The following GSK3B variants were observed in gnomAD, a reference collection of about 807,000 sequenced individuals.
GSK3B encodes the protein glycogen synthase kinase 3 beta, also known as glycogen synthase kinase-3 beta.
GSK3B carries 15 observed loss-of-function variants against 56.4 expected under a neutral mutation model. The ratio of observed to expected loss-of-function variants is 0.27; its 90% CI spans 0.18 to 0.41. The LOEUF (loss-of-function observed/expected upper bound fraction) is 0.41. Among genes scored for constraint, GSK3B ranks in the 10% least tolerant of loss-of-function variants. The probability of loss-of-function intolerance (pLI) is 1.00; values close to 1 mark genes in which losing one functional copy is unlikely to be tolerated. For missense variants in GSK3B, 300 were observed against 513.4 expected (o/e 0.58, Z 4.02); for synonymous variants, 181 against 188.9 (o/e 0.96, Z 0.34).
intron 2 of GSK3B, among the ~76,000 whole-genome samples, chr3:119,963,980 G>GC (rs1559855578): frequency 6.6e-6 from 1 of 152,066 alleles, no homozygotes; most frequent in Non-Finnish European, 1.5e-5. Flanking sequence ...TGGATAACAG[G>GC]CAACAAAAGC....
chr3:120,021,450 A>G (rs1448903039), intron 1 of GSK3B, among the ~76,000 whole-genome samples: 1 of 151,818 alleles, frequency 6.6e-6, no homozygotes, highest in Non-Finnish European at 1.5e-5. Flanking sequence ...CGGAGGGCAG[A>G]GGTTGCAGTG....
chr3:119,876,542 T>C, intron 7 of GSK3B, 34 bp from the exon 8 acceptor site: 1 of 1,168,796 alleles, frequency 8.6e-7, no homozygotes, highest in South Asian at 1.2e-5. Flanking sequence ...CATCTTTTCC[T>C]ATATATTTAC....
chr3:120,058,221 T>C (rs1391347916), intron 1 of GSK3B, among the ~76,000 whole-genome samples: 1 of 152,118 alleles, frequency 6.6e-6, no homozygotes, highest in East Asian at 1.9e-4. Flanking sequence ...TTGAGAAGCA[T>C]CACAAAAAGC....
At chr3:120,011,356 T>C (rs1312607463) in intron 1 of GSK3B, among the ~76,000 whole-genome samples, 1 of 152,198 alleles carries the variant, frequency 6.6e-6, no homozygotes, top group East Asian at 1.9e-4. Context: ...AGATATCCAT[T>C]AGAACCCTGG....
At chr3:120,083,056 A>T (rs2058434527) in intron 1 of GSK3B, among the ~76,000 whole-genome samples, 1 of 151,762 alleles carries the variant, frequency 6.6e-6, no homozygotes, top group African/African-American at 2.4e-5. Context: ...GTAACCTTCC[A>T]ACATCTATTT....
chr3:119,899,108 G>C (rs1199722247), intron 7 of GSK3B, among the ~76,000 whole-genome samples: 1 of 152,064 alleles, frequency 6.6e-6, no homozygotes, highest in Non-Finnish European at 1.5e-5. Flanking sequence ...TCCATGGCTG[G>C]ATGTCAGGAG....
intron 1 of GSK3B, among the ~76,000 whole-genome samples, chr3:120,047,707 T>C (rs980146689): frequency 6.6e-6 from 1 of 152,160 alleles, no homozygotes. Context: ...AAAACCAAGT[T>C]TAAACTCCAT....
chr3:119,904,444 G>A (rs549060414), intron 7 of GSK3B, among the ~76,000 whole-genome samples: 35 of 152,184 alleles, frequency 2.3e-4, no homozygotes, highest in African/African-American at 8.4e-4. Flanking sequence ...ATACCACAGT[G>A]GTCTAAGCTG....
intron 2 of GSK3B, among the ~76,000 whole-genome samples, chr3:119,974,844 G>A (rs1029130620): frequency 2.0e-5 from 3 of 152,222 alleles, no homozygotes; most frequent in Non-Finnish European, 4.4e-5. Context: ...CGGTGAGGAT[G>A]TGGAGCAACA....
rs181234007 is a variant in GSK3B, at chr3:119,998,193, C to T, written c.282+3853G>A. On this transcript the variant is annotated intron_variant, in intron 2 of 10. Transcript: ENST00000264235. Reference sequence around the variant, plus strand: ...GGATGGCCCTAAATGATACCTGCCTCCTGGTATTCACACCCTTGTTTAATC... The same window carrying T: ...GGATGGCCCTAAATGATACCTGCCTTCTGGTATTCACACCCTTGTTTAATC... Among the ~76,000 whole-genome samples the T allele has an allele frequency of 2.3e-4, 35 of 152,270 alleles. No homozygotes were observed. In the East Asian group the frequency reaches 6.6e-3, roughly 29 times the overall value.
chr3:119,831,236 C>CCT (rs1353521449), intron 10 of GSK3B, among the ~76,000 whole-genome samples: 1 of 152,104 alleles, frequency 6.6e-6, no homozygotes, highest in Non-Finnish European at 1.5e-5. Flanking sequence ...CAGTAGGTGG[C>CCT]AGCAGAAAAG....
rs2107465884 is a variant in GSK3B, at chr3:119,923,387, C to G, written c.463G>C (p.Val155Leu). 6.4e-7 allele frequency: 1 copy of G among 1,561,682 alleles called. No individual in the cohort carries two copies. The highest frequency in any genetic ancestry group is 2.2e-5 in the East Asian group (1 of 44,506). Reference sequence around the variant, plus strand: ...TTTTTACATACCTTGACATAAATCACAGGGAGCGTCTGTTTGGCTCGACTA... The same window carrying G: ...TTTTTACATACCTTGACATAAATCAGAGGGAGCGTCTGTTTGGCTCGACTA... ...HYSRAKQTLP[V>L]IYVKLYMYQL... Residue 155 changes from valine (V) to leucine (L), a missense_variant, in exon 4 of 11, where the codon GTG (valine) becomes CTG (leucine). Around this residue, in one of 6 missense-constraint regions of GSK3B, gnomAD observed 62 missense variants for 84.0 expected, o/e 0.74. Transcript: ENST00000264235.
chr3:119,985,391 C>T (rs1423179041), intron 2 of GSK3B, among the ~76,000 whole-genome samples: 1 of 152,152 alleles, frequency 6.6e-6, no homozygotes, highest in Non-Finnish European at 1.5e-5. Context: ...ACAAGGAAGT[C>T]AAATTGTCCC....
At chr3:119,943,187 A>G (rs1035246204) in intron 3 of GSK3B, among the ~76,000 whole-genome samples, 18 of 152,236 alleles carry the variant, frequency 1.2e-4, no homozygotes, top group African/African-American at 4.3e-4. Context: ...TAGACATATC[A>G]TTCAGTCAAA....
intron 8 of GSK3B, chr3:119,866,734 TG>T (rs890849257): frequency 1.2e-4 from 85 of 718,528 alleles, no homozygotes; most frequent in African/African-American, 1.5e-4. Context: ...ATCCATGGTG[TG>T]GGGGGGGACA....
chr3:120,092,870 GACATT>G (rs1441861141), intron 1 of GSK3B, among the ~76,000 whole-genome samples: 3 of 152,150 alleles, frequency 2.0e-5, no homozygotes, highest in Non-Finnish European at 4.4e-5. Flanking sequence ...GGGAGGGTGG[GACATT>G]TAACGTCTCT....
At chr3:119,885,413 A>C (rs926264773) in intron 7 of GSK3B, among the ~76,000 whole-genome samples, 6 of 152,164 alleles carry the variant, frequency 3.9e-5, no homozygotes, top group South Asian at 2.1e-4. Context: ...GGATTGGAAG[A>C]ATCAGTACTG....
intron 2 of GSK3B, among the ~76,000 whole-genome samples, chr3:119,998,175 C>T (rs2057642300): frequency 6.6e-6 from 1 of 152,072 alleles, no homozygotes. Context: ...CTAGGATGGC[C>T]CTAAATGATA....
intron 3 of GSK3B, among the ~76,000 whole-genome samples, chr3:119,930,590 T>C (rs560616213): frequency 6.6e-6 from 1 of 152,154 alleles, no homozygotes; most frequent in African/African-American, 2.4e-5. Context: ...AAACCTGCAA[T>C]ATGAAATTTA....
Sources: gnomAD v4.1 joint callset for allele counts (sites outside exome capture counted in the v4.1 genomes callset) on GRCh38, gnomAD v4.1.1 for gene constraint, gnomAD v4.1.1 regional missense constraint, MANE v1.5 for transcripts, NCBI Gene and HGNC (gene_info 2026-07-23, HGNC 2026-07-21) for gene names.